The following TRIM44 variants were observed in gnomAD, a reference collection of about 807,000 sequenced individuals.
TRIM44 encodes tripartite motif containing 44.
TRIM44 carries 13 observed loss-of-function variants against 37.4 expected under a neutral mutation model. The observed-to-expected ratio is 0.35, with a 90% CI of 0.23 to 0.55. The LOEUF (loss-of-function observed/expected upper bound fraction) is 0.55, where lower values mean the gene tolerates loss of function less well. Among genes scored for constraint, TRIM44 ranks in the 20% least tolerant of loss-of-function variants. The pLI is 0.89. For synonymous variants in TRIM44, 175 were observed against 157.2 expected (o/e 1.11, Z -0.85); for missense variants, 426 against 437.2 (o/e 0.97, Z 0.23).
chr11:35,761,619 A>G (rs1235429686), intron 4 of TRIM44, among the ~76,000 whole-genome samples: 3 of 152,208 alleles, frequency 2.0e-5, no homozygotes, highest in African/African-American at 4.8e-5. Flanking sequence ...AGTAGATACT[A>G]TTGTCATCTC....
At chr11:35,760,507 C>T (rs1243400146) in intron 4 of TRIM44, among the ~76,000 whole-genome samples, 1 of 152,198 alleles carries the variant, frequency 6.6e-6, no homozygotes, top group Non-Finnish European at 1.5e-5. Context: ...GTGTCCTGCA[C>T]CCACTTTCTG....
At chr11:35,680,567 C>T (rs948462037) in intron 1 of TRIM44, among the ~76,000 whole-genome samples, 5 of 152,018 alleles carry the variant, frequency 3.3e-5, no homozygotes, top group African/African-American at 1.2e-4. Flanking sequence ...TATTTAGCCA[C>T]CCAATATTTA....
At chr11:35,784,449 T>C (rs1303790759) in intron 4 of TRIM44, among the ~76,000 whole-genome samples, 1 of 152,214 alleles carries the variant, frequency 6.6e-6, no homozygotes, top group Non-Finnish European at 1.5e-5. Flanking sequence ...AAATACTACA[T>C]TTTTATACCA....
intron 4 of TRIM44, among the ~76,000 whole-genome samples, chr11:35,742,679 T>A (rs1283442034): frequency 7.4e-6 from 1 of 135,688 alleles, no homozygotes; most frequent in African/African-American, 2.8e-5. Flanking sequence ...AATTGTATTA[T>A]ATATAATTAT....
intron 4 of TRIM44, among the ~76,000 whole-genome samples, chr11:35,792,109 A>T (rs75158411): frequency 7.5e-4 from 46 of 61,448 alleles, no homozygotes; most frequent in African/African-American, 1.2e-3. Context: ...ACACACACAC[A>T]CACTCTCTCT....
chr11:35,760,308 A>T (rs915550139), intron 4 of TRIM44, among the ~76,000 whole-genome samples: 2 of 152,170 alleles, frequency 1.3e-5, no homozygotes, highest in African/African-American at 4.8e-5. Context: ...TGGGATATAA[A>T]ATCTCCTGTT....
intron 1 of TRIM44, among the ~76,000 whole-genome samples, chr11:35,674,092 G>T (rs1851432781): frequency 6.6e-6 from 1 of 152,078 alleles, no homozygotes; most frequent in Non-Finnish European, 1.5e-5. Flanking sequence ...TTTCAGAATA[G>T]GAGACGTATT....
At chr11:35,701,259 G>GT (rs930103670) in intron 2 of TRIM44, among the ~76,000 whole-genome samples, 25 of 151,934 alleles carry the variant, frequency 1.6e-4, no homozygotes, top group African/African-American at 5.6e-4. Flanking sequence ...AAACAGGTCT[G>GT]TTTTTTTTCC....
chr11:35,709,891 A>T (rs1183143806), intron 2 of TRIM44, among the ~76,000 whole-genome samples: 1 of 152,236 alleles, frequency 6.6e-6, no homozygotes, highest in Non-Finnish European at 1.5e-5. Context: ...TGAATCGGGC[A>T]GCCCCCAGAA....
intron 4 of TRIM44, among the ~76,000 whole-genome samples, chr11:35,773,323 A>T (rs368011812): frequency 6.6e-6 from 1 of 151,638 alleles, no homozygotes; most frequent in African/African-American, 2.4e-5. Flanking sequence ...CCACTTTTTC[A>T]TGGAGTTACT....
In TRIM44 at chr11:35,663,353, C is replaced by T; in HGVS notation, c.242C>T (p.Ala81Val). ...ADGEGAGKEEAEVKVEQEREI... is the reference protein window; with the variant it reads ...ADGEGAGKEEVEVKVEQEREI... ...GGAGAGGGGGCGGGGAAGGAAGAAG[C>T]GGAGGTCAAGGTGGAGCAGGAGAGG... Residue 81 changes from alanine to valine, a missense_variant, in exon 1 of 5, where the codon GCG becomes GTG. This residue lies in a region of TRIM44 where 331 missense variants were observed against 303.0 expected (regional missense o/e 1.09). Transcript: ENST00000299413. The T allele has an allele frequency of 6.2e-7, 1 of 1,613,488 alleles. No individual in the cohort carries two copies. The highest frequency in any genetic ancestry group is 1.1e-5 in the South Asian group (1 of 91,010).
At chr11:35,697,915 C>A (rs1343363926) in intron 2 of TRIM44, among the ~76,000 whole-genome samples, 1 of 151,508 alleles carries the variant, frequency 6.6e-6, no homozygotes, top group South Asian at 2.1e-4. Context: ...AATAAACATA[C>A]GTGTGCATGT....
At chr11:35,801,948 T>G (rs1424701884) in intron 4 of TRIM44, among the ~76,000 whole-genome samples, 1 of 152,228 alleles carries the variant, frequency 6.6e-6, no homozygotes, top group Non-Finnish European at 1.5e-5. Context: ...AATCATAGTA[T>G]CAAGTGTAAA....
At chr11:35,779,247 G>A (rs547740539) in intron 4 of TRIM44, among the ~76,000 whole-genome samples, 14 of 152,340 alleles carry the variant, frequency 9.2e-5, no homozygotes, top group Non-Finnish European at 1.5e-4. Flanking sequence ...CTCTGAGCCA[G>A]GCACGGGATA....
intron 1 of TRIM44, among the ~76,000 whole-genome samples, chr11:35,667,758 C>T (rs144666933): frequency 3.7e-3 from 557 of 152,200 alleles, no homozygotes; most frequent in Admixed American, 0.01. Flanking sequence ...TTCATCTCTT[C>T]GTATTGTTGT....
At chr11:35,773,836 G>A (rs934745129) in intron 4 of TRIM44, among the ~76,000 whole-genome samples, 3 of 152,220 alleles carry the variant, frequency 2.0e-5, no homozygotes, top group African/African-American at 7.2e-5. Flanking sequence ...ATCCCGTGGT[G>A]TATATGTGCC....
At chr11:35,741,614 T>C (rs1852397688) in intron 4 of TRIM44, among the ~76,000 whole-genome samples, 1 of 152,194 alleles carries the variant, frequency 6.6e-6, no homozygotes, top group Admixed American at 6.5e-5. Flanking sequence ...CTTTGCATGC[T>C]ATGGTTTAAC....
intron 2 of TRIM44, among the ~76,000 whole-genome samples, chr11:35,693,652 T>G (rs1403923055): frequency 6.6e-6 from 1 of 152,174 alleles, no homozygotes; most frequent in Non-Finnish European, 1.5e-5. Context: ...CCCATAGTTT[T>G]GTTTTAAAAA....
chr11:35,707,151 C>A lies in TRIM44; in HGVS notation c.748-18773C>A, dbSNP rs545457523. ...AACAGAGAGCCAAATCATGAGTGAA[C>A]TCCCATTCACAATTGCTTCAAAGAG... On this transcript the variant is annotated intron_variant, in intron 2 of 4. Coordinates refer to ENST00000299413, the MANE Select transcript of TRIM44 (RefSeq NM_017583.6). 1.3e-3 allele frequency among the ~76,000 whole-genome samples: 202 copies of A among 152,242 alleles called. No homozygotes were observed. In the Middle Eastern group the frequency reaches 0.017, roughly 13 times the overall value.
Sources: gnomAD v4.1 joint callset for allele counts (sites outside exome capture counted in the v4.1 genomes callset) on GRCh38, gnomAD v4.1.1 for gene constraint, gnomAD v4.1.1 regional missense constraint, MANE v1.5 for transcripts, NCBI Gene and HGNC (gene_info 2026-07-23, HGNC 2026-07-21) for gene names.